The following NKD1 variants were observed in gnomAD, a reference collection of about 807,000 sequenced individuals.
NKD1 encodes the protein protein naked cuticle homolog 1.
In NKD1, 21 loss-of-function variants were observed where a neutral mutation model predicts 56.0. The observed-to-expected ratio is 0.38, with a 90% confidence interval of 0.27 to 0.54. The LOEUF is 0.54. Among genes scored for constraint, NKD1 ranks in the 20% least tolerant of loss-of-function variants. The pLI is 0.82. For missense variants in NKD1, 578 were observed against 642.7 expected (o/e 0.90, Z 1.09); for synonymous variants, 263 against 265.7 (o/e 0.99, Z 0.10).
In NKD1 at chr16:50,636,205, G is replaced by A. The variant is rs1962464283; in HGVS notation, c.*2424G>A. The stretch of plus-strand genomic sequence containing the variant: ...TGTACCGGAAGACAGGAGGGGAGGG[G>A]TGCAGATCGGACAGGAAGTAATGGC... On this transcript the variant is annotated 3_prime_UTR_variant, in exon 10 of 10. Transcript: ENST00000268459. The A allele has an allele frequency of 2.0e-5, 3 of 152,124 alleles. No individual in the cohort carries two copies. Among genetic ancestry groups the A allele is most frequent in the Admixed American group, 2.0e-4 (3 of 15,274 alleles). 9.4% of individuals were successfully genotyped at this position (152,124 alleles called of 1,614,324 possible).
At chr16:50,561,055 T>C (rs893855321) in intron 3 of NKD1, among the ~76,000 whole-genome samples, 9 of 152,078 alleles carry the variant, frequency 5.9e-5, no homozygotes, top group African/African-American at 2.2e-4. Context: ...AGCTGTTTGG[T>C]TTGTTGACTT....
At chr16:50,608,247 G>A (rs1013867790) in intron 3 of NKD1, 47 bp from the exon 4 acceptor site, 5 of 1,355,630 alleles carry the variant, frequency 3.7e-6, no homozygotes, top group East Asian at 4.6e-5. Context: ...TCCCAGCACT[G>A]GGCTCCCCCA....
At chr16:50,600,254 A>AACAT (rs773071532) in intron 3 of NKD1, among the ~76,000 whole-genome samples, 122 of 152,218 alleles carry the variant, frequency 8.0e-4, no homozygotes, top group Non-Finnish European at 1.5e-3. Flanking sequence ...CAAACAAACA[A>AACAT]ACAAACAACA....
intron 6 of NKD1, 52 bp from the exon 7 acceptor site, chr16:50,630,134 C>A: frequency 6.3e-7 from 1 of 1,577,624 alleles, no homozygotes; most frequent in Non-Finnish European, 8.7e-7. Context: ...TTTGTATTTT[C>A]AAGGCCCTGT....
In NKD1 at chr16:50,623,725, CTGTGTGTGTG is replaced by C. The variant is rs71928407; in HGVS notation, c.367-1730_367-1721del. Among the ~76,000 whole-genome samples the C allele has an allele frequency of 4.9e-5, 7 of 141,546 alleles. No homozygotes were observed. The highest frequency in any genetic ancestry group is 2.4e-4 in the South Asian group (1 of 4,224). 92.9% of individuals were successfully genotyped at this position (141,546 alleles called of 152,430 possible). A position where few individuals can be genotyped will look rare whatever the true frequency, so the allele number is the denominator to read the frequency against. On this transcript the variant is annotated intron_variant, in intron 5 of 9. Coordinates refer to ENST00000268459, the MANE Select transcript of NKD1 (RefSeq NM_033119.5). The surrounding 1 kb of genome is among the most constrained non-coding windows in gnomAD (Gnocchi z 4.1). ...AAGCTGTCTTGGAAACAGGTAAGTGCTGTGTGTGTGTGTGTGTGTGTGTGTGTGTGTGTGT... is the reference window on the plus strand; with the variant it reads ...AAGCTGTCTTGGAAACAGGTAAGTGCTGTGTGTGTGTGTGTGTGTGTGTGT...
chr16:50,617,305 C>G (rs1044859607), intron 4 of NKD1, among the ~76,000 whole-genome samples: 1 of 152,158 alleles, frequency 6.6e-6, no homozygotes, highest in Non-Finnish European at 1.5e-5. Context: ...CTTTTTTAAA[C>G]TGGGGGAGGG....
intron 3 of NKD1, among the ~76,000 whole-genome samples, chr16:50,559,326 A>AT (rs1960572339): frequency 6.6e-6 from 1 of 152,228 alleles, no homozygotes; most frequent in Non-Finnish European, 1.5e-5. Context: ...GGGAAGGAGA[A>AT]TAACGGAGGA....
At chr16:50,592,134 G>A (rs1961380188) in intron 3 of NKD1, among the ~76,000 whole-genome samples, 1 of 152,378 alleles carries the variant, frequency 6.6e-6, no homozygotes, top group South Asian at 2.1e-4. Context: ...TTGAGCAGGG[G>A]CCAGGGCTGG....
At chr16:50,596,861 G>A (rs1961483275) in intron 3 of NKD1, among the ~76,000 whole-genome samples, 1 of 152,170 alleles carries the variant, frequency 6.6e-6, no homozygotes, top group African/African-American at 2.4e-5. Flanking sequence ...CAGGAGGGAG[G>A]GGTTATCCAG....
At chr16:50,574,785 A>G in intron 3 of NKD1, 3 of 985,446 alleles carry the variant, frequency 3.0e-6, no homozygotes, top group Non-Finnish European at 3.6e-6. Flanking sequence ...GCCCTGTAAA[A>G]ATAAAAAGTT....
At chr16:50,552,891 C>T (rs1260348618) in intron 3 of NKD1, among the ~76,000 whole-genome samples, 3 of 152,206 alleles carry the variant, frequency 2.0e-5, no homozygotes, top group Non-Finnish European at 4.4e-5. Flanking sequence ...GGGACGCAGG[C>T]CAAGGGCTGG....
intron 3 of NKD1, chr16:50,562,140 C>G (rs1275767293): frequency 6.3e-6 from 1 of 158,252 alleles, no homozygotes; most frequent in Non-Finnish European, 1.4e-5. Context: ...GTGTGGACTT[C>G]TCATTGAGCT....
At chr16:50,572,529 C>T (rs551297623) in intron 3 of NKD1, among the ~76,000 whole-genome samples, 99 of 152,216 alleles carry the variant, frequency 6.5e-4, no homozygotes, top group African/African-American at 2.3e-3. Flanking sequence ...CCGTGTGTTA[C>T]GTGGGCCTGG....
intron 8 of NKD1, among the ~76,000 whole-genome samples, chr16:50,631,660 G>A (rs999586952): frequency 6.6e-6 from 1 of 152,202 alleles, no homozygotes; most frequent in Non-Finnish European, 1.5e-5. Flanking sequence ...AGCCAGGAGG[G>A]AGCAGATCGA....
At chr16:50,572,743 G>A (rs1305846861) in intron 3 of NKD1, among the ~76,000 whole-genome samples, 2 of 152,176 alleles carry the variant, frequency 1.3e-5, no homozygotes, top group African/African-American at 4.8e-5. Context: ...CCCAGCTTGG[G>A]TGCAGCACGG....
chr16:50,600,758 G>C (rs1177924694), intron 3 of NKD1, among the ~76,000 whole-genome samples: 1 of 152,084 alleles, frequency 6.6e-6, no homozygotes, highest in Non-Finnish European at 1.5e-5. Context: ...GTACCCTGTC[G>C]GGTCTCAGGC....
intron 3 of NKD1, among the ~76,000 whole-genome samples, chr16:50,585,893 C>T (rs934078618): frequency 6.6e-6 from 1 of 152,196 alleles, no homozygotes; most frequent in Admixed American, 6.5e-5. Flanking sequence ...GTTTAACGGA[C>T]ATACTCAGTA....
intron 4 of NKD1, among the ~76,000 whole-genome samples, chr16:50,619,953 T>A (rs1041529946): frequency 6.6e-6 from 1 of 152,236 alleles, no homozygotes; most frequent in Non-Finnish European, 1.5e-5. Context: ...GTGGACTGAC[T>A]GTGAGCATTA....
chr16:50,560,744 T>C (rs981976366), intron 3 of NKD1, among the ~76,000 whole-genome samples: 2 of 151,046 alleles, frequency 1.3e-5, no homozygotes, highest in African/African-American at 4.9e-5. Flanking sequence ...ATAGTAAGAG[T>C]AAATATTGTT....
Sources: allele counts gnomAD v4.1 joint callset (sites outside exome capture counted in the v4.1 genomes callset), GRCh38; gene constraint gnomAD v4.1.1; non-coding constraint Gnocchi (gnomAD v3.1); transcripts MANE v1.5; gene names NCBI Gene and HGNC (gene_info 2026-07-23, HGNC 2026-07-21).